Variants in TIAM1 observed in about 807,000 individuals in gnomAD.
The protein encoded by TIAM1 is rho guanine nucleotide exchange factor TIAM1.
Under a neutral mutation model 163.5 loss-of-function variants are expected in TIAM1, and 65 were observed. That is an observed-to-expected ratio of 0.40 (90% CI 0.33 to 0.49). TIAM1 has a LOEUF of 0.49. Ranked by LOEUF, TIAM1 falls within the 20% of genes least tolerant of loss-of-function variation. The pLI is 0.77. For missense variants in TIAM1, 1,789 were observed against 2,044.7 expected (o/e 0.87, Z 2.41); for synonymous variants, 833 against 810.1 (o/e 1.03, Z -0.48).
At chr21:31,501,943 T>TGGAAATGTGGGACC (rs1397852573) in intron 1 of TIAM1, among the ~76,000 whole-genome samples, 1 of 152,102 alleles carries the variant, frequency 6.6e-6, no homozygotes, top group Non-Finnish European at 1.5e-5. Context: ...GCCACTTGCT[T>TGGAAATGTGGGACC]GGAAATGTGG....
intron 1 of TIAM1, among the ~76,000 whole-genome samples, chr21:31,475,364 G>A (rs1268191154): frequency 6.6e-6 from 1 of 152,054 alleles, no homozygotes; most frequent in Admixed American, 6.6e-5. Context: ...CACTGCATCC[G>A]GCACTGTGAG....
chr21:31,392,570 CAAAAAAA>C (rs61454127), intron 2 of TIAM1, among the ~76,000 whole-genome samples: 4 of 84,886 alleles, frequency 4.7e-5, no homozygotes, highest in Non-Finnish European at 9.3e-5. Flanking sequence ...AACTCTGTCT[CAAAAAAA>C]AAAAAAAAAA....
chr21:31,419,919 C>T (rs549202890), intron 2 of TIAM1, among the ~76,000 whole-genome samples: 4 of 152,154 alleles, frequency 2.6e-5, no homozygotes, highest in South Asian at 2.1e-4. Flanking sequence ...AGCGTGGTGG[C>T]GCGTCTGTGG....
intron 2 of TIAM1, among the ~76,000 whole-genome samples, chr21:31,410,421 T>G (rs541683861): frequency 6.6e-6 from 1 of 150,982 alleles, no homozygotes; most frequent in South Asian, 2.1e-4. Context: ...AGTATGTGAG[T>G]GCGTAAGTGT....
chr21:31,552,138 A>C (rs1346526073), intron 1 of TIAM1, among the ~76,000 whole-genome samples: 2 of 137,476 alleles, frequency 1.5e-5, no homozygotes, highest in African/African-American at 5.5e-5. Context: ...GCTCACTGCA[A>C]CCTCCACCTC....
chr21:31,315,041 C>T (rs1280996023), intron 2 of TIAM1, among the ~76,000 whole-genome samples: 1 of 152,126 alleles, frequency 6.6e-6, no homozygotes, highest in East Asian at 1.9e-4. Context: ...CGCCAAACCT[C>T]GCACCAAAAC....
intron 2 of TIAM1, among the ~76,000 whole-genome samples, chr21:31,397,859 T>C (rs2077099249): frequency 6.6e-6 from 1 of 151,994 alleles, no homozygotes; most frequent in Admixed American, 6.6e-5. Context: ...AGGCAACAGG[T>C]CTCACACTAA....
At chr21:31,149,046 TCTGGAAA>T (rs1173317697) in intron 19 of TIAM1, among the ~76,000 whole-genome samples, 1 of 151,362 alleles carries the variant, frequency 6.6e-6, no homozygotes, top group Non-Finnish European at 1.5e-5. Context: ...TGGGAGCAAA[TCTGGAAA>T]CCAACTCAGA....
At chr21:31,405,809 G>A (rs2077237838) in intron 2 of TIAM1, among the ~76,000 whole-genome samples, 1 of 152,122 alleles carries the variant, frequency 6.6e-6, no homozygotes, top group African/African-American at 2.4e-5. Flanking sequence ...TGAGATTTGG[G>A]TAGGCGACAC....
At chr21:31,234,964 A>C (rs545529346) in intron 6 of TIAM1, among the ~76,000 whole-genome samples, 1 of 152,246 alleles carries the variant, frequency 6.6e-6, no homozygotes, top group Non-Finnish European at 1.5e-5. Context: ...CTCCAAGCCA[A>C]AATTCCAAAT....
At chr21:31,206,208 T>C (rs1393205412) in intron 11 of TIAM1, among the ~76,000 whole-genome samples, 1 of 152,214 alleles carries the variant, frequency 6.6e-6, no homozygotes, top group African/African-American at 2.4e-5. Flanking sequence ...TGTCTTACTA[T>C]TTTGGTAAAA....
intron 10 of TIAM1, among the ~76,000 whole-genome samples, chr21:31,210,717 GAAA>G (rs1569033785): frequency 2.1e-5 from 2 of 93,074 alleles, no homozygotes; most frequent in African/African-American, 6.1e-5. Flanking sequence ...GAAAGAAAGA[GAAA>G]GAAAGAAAGA....
At chr21:31,353,157 T>C (rs549027294) in intron 2 of TIAM1, among the ~76,000 whole-genome samples, 111 of 152,218 alleles carry the variant, frequency 7.3e-4, no homozygotes, top group African/African-American at 2.6e-3. Context: ...CAACCCCAAA[T>C]TTCAACGCAT....
intron 2 of TIAM1, among the ~76,000 whole-genome samples, chr21:31,308,121 T>A (rs2074786769): frequency 6.6e-6 from 1 of 152,048 alleles, no homozygotes; most frequent in Non-Finnish European, 1.5e-5. Flanking sequence ...CGTGGTGGTG[T>A]GCACCTGTAG....
intron 3 of TIAM1, among the ~76,000 whole-genome samples, chr21:31,267,932 TAC>T (rs751305157): frequency 6.6e-6 from 1 of 152,182 alleles, no homozygotes; most frequent in Non-Finnish European, 1.5e-5. Flanking sequence ...TTAATATTTT[TAC>T]AGTCTCTCTC....
At chr21:31,518,059 T>C (rs570819252) in intron 1 of TIAM1, among the ~76,000 whole-genome samples, 1 of 152,308 alleles carries the variant, frequency 6.6e-6, no homozygotes, top group African/African-American at 2.4e-5. Context: ...CTCCCGTTAA[T>C]CTGTCTTTTG....
At chr21:31,207,512 C>T (rs1028063907) in intron 11 of TIAM1, among the ~76,000 whole-genome samples, 1 of 152,092 alleles carries the variant, frequency 6.6e-6, no homozygotes, top group Non-Finnish European at 1.5e-5. Flanking sequence ...AAAAACCATT[C>T]GCCATTATAT....
intron 19 of TIAM1, among the ~76,000 whole-genome samples, chr21:31,151,518 T>G (rs976106477): frequency 3.3e-5 from 5 of 151,934 alleles, no homozygotes; most frequent in African/African-American, 1.2e-4. Flanking sequence ...TGCAAACATA[T>G]TTAACATAAC....
chr21:31,356,340 G>A (rs552962339), intron 2 of TIAM1, among the ~76,000 whole-genome samples: 18 of 152,204 alleles, frequency 1.2e-4, no homozygotes, highest in East Asian at 5.8e-4. Flanking sequence ...CCAATTGCCC[G>A]TATGCCATCA....
Sources: allele counts gnomAD v4.1 joint callset (sites outside exome capture counted in the v4.1 genomes callset), GRCh38; gene constraint gnomAD v4.1.1; transcripts MANE v1.5; gene names NCBI Gene and HGNC (gene_info 2026-07-23, HGNC 2026-07-21).